Variants in CYP19A1 observed in about 807,000 individuals in gnomAD.
CYP19A1 encodes aromatase.
Under a neutral mutation model 44.4 loss-of-function variants are expected in CYP19A1, and 32 were observed. That is an observed-to-expected ratio of 0.72 (90% confidence interval 0.54 to 0.97). The LOEUF is 0.97. Among genes scored for constraint, CYP19A1 ranks in the 50% least tolerant of loss-of-function variants. The pLI is 0.00. For synonymous variants in CYP19A1, 212 were observed against 215.6 expected (o/e 0.98, Z 0.14); for missense variants, 598 against 637.8 (o/e 0.94, Z 0.67).
At chr15:51,218,467 A>G in intron 6 of CYP19A1, 74 bp downstream of exon 6, 1 of 1,541,410 alleles carries the variant, frequency 6.5e-7, no homozygotes, top group Non-Finnish European at 8.7e-7. Context: ...AGAGGCCAAG[A>G]AAAACAGCAA....
chr15:51,239,694 T>TGA (rs145763918), intron 2 of CYP19A1, among the ~76,000 whole-genome samples: 1 of 146,668 alleles, frequency 6.8e-6, no homozygotes, highest in Non-Finnish European at 1.5e-5. Flanking sequence ...TGCTCTGGAG[T>TGA]GAGAGAGAGA....
rs121434534 is a variant in CYP19A1 at position 51,211,017 on chromosome 15, G to A, written c.1303C>T (p.Arg435Cys). The part of the protein sequence containing the change: ...RYFQPFGFGP[R>C]GCAGKYIAMV... ...GCGATGTACTTTCCTGCACAGCCAC[G>A]GGGCCCAAAGCCAAATGGCTGAAAG... The change falls in exon 10 of 10, where the codon CGT becomes TGT. Residue 435 changes from arginine to cysteine, a missense_variant. Transcript: ENST00000396402. The A allele has an allele frequency of 7.6e-6, 12 of 1,588,186 alleles. No homozygotes were observed. Among genetic ancestry groups the A allele is most frequent in the Admixed American group, 1.7e-5 (1 of 59,938 alleles).
At chr15:51,246,640 G>T (rs1373994968) in intron 1 of CYP19A1, among the ~76,000 whole-genome samples, 2 of 152,122 alleles carry the variant, frequency 1.3e-5, no homozygotes, top group African/African-American at 4.8e-5. Context: ...ACACATTCAG[G>T]GTCCCACAGT....
intron 1 of CYP19A1, among the ~76,000 whole-genome samples, chr15:51,322,415 T>C (rs1248264210): frequency 1.3e-5 from 2 of 152,238 alleles, no homozygotes; most frequent in African/African-American, 4.8e-5. Flanking sequence ...ACCTCTCTTT[T>C]TGTACACTAT....
intron 1 of CYP19A1, among the ~76,000 whole-genome samples, chr15:51,333,757 CA>C: frequency 6.6e-6 from 1 of 152,248 alleles, no homozygotes; most frequent in South Asian, 2.1e-4. Flanking sequence ...CCAGGCTCAG[CA>C]GATGGGGTGT....
intron 1 of CYP19A1, among the ~76,000 whole-genome samples, chr15:51,248,064 T>C (rs2034144958): frequency 1.3e-5 from 2 of 152,320 alleles, no homozygotes; most frequent in South Asian, 4.1e-4. Flanking sequence ...CTCTCTAAGA[T>C]TAATTGCTCT....
In CYP19A1 at chr15:51,222,353, C is replaced by A. The variant is rs371699273; in HGVS notation, c.624G>T (p.Leu208Phe). ...TGAGAGTGAAAATTTCAGTACCGTC[C>A]AAAGGGATCCTCAAGAAGAGCGTGT... ...TSNTLFLRIPLDESAIVVKIQ... is the reference protein window; with the variant it reads ...TSNTLFLRIPFDESAIVVKIQ... The change falls in exon 5 of 10, where the codon TTG becomes TTT. Residue 208 changes from leucine (L) to phenylalanine (F), a missense_variant. By Grantham distance (22) the Leu-to-Phe change is conservative. Transcript: ENST00000396402. 6.2e-7 allele frequency: 1 copy of A among 1,613,998 alleles called. No homozygotes were observed. The highest frequency in any genetic ancestry group is 1.3e-5 in the African/African-American group (1 of 74,894).
chr15:51,247,728 C>T (rs2034127927), intron 1 of CYP19A1, among the ~76,000 whole-genome samples: 1 of 152,092 alleles, frequency 6.6e-6, no homozygotes, highest in South Asian at 2.1e-4. Context: ...GAGTCCTAAC[C>T]TTCTTATACA....
rs2031075939 is a variant in CYP19A1 at position 51,212,319 on chromosome 15, C to A, written c.1263+1G>T. The A allele has an allele frequency of 1.9e-6, 3 of 1,593,964 alleles. No individual in the cohort carries two copies. Among genetic ancestry groups the A allele is most frequent in the Non-Finnish European group, 2.6e-6 (3 of 1,161,608 alleles). Reference sequence around the variant, plus strand: ...ACTCAGTTTTAAGGAAGGGCTCTTACATTCTTTGCAAAATTTTCAAGAGTA... The same window carrying A: ...ACTCAGTTTTAAGGAAGGGCTCTTAAATTCTTTGCAAAATTTTCAAGAGTA... On this transcript the variant is annotated splice_donor_variant, in intron 9 of 9. Coordinates refer to ENST00000396402, the MANE Select transcript of CYP19A1 (RefSeq NM_000103.4). LOFTEE classifies it high-confidence loss of function.
intron 5 of CYP19A1, among the ~76,000 whole-genome samples, chr15:51,219,680 A>T (rs904817448): frequency 6.6e-6 from 1 of 152,204 alleles, no homozygotes; most frequent in African/African-American, 2.4e-5. Context: ...GATCCCTGTG[A>T]AAAGGGATTA....
At chr15:51,239,711 T>A (rs1222715715) in intron 2 of CYP19A1, among the ~76,000 whole-genome samples, 1 of 151,772 alleles carries the variant, frequency 6.6e-6, no homozygotes, top group African/African-American at 2.4e-5. Flanking sequence ...GAGAGAGTGA[T>A]TACAAAGGCA....
At chr15:51,256,612 C>A (rs1426647041) in intron 1 of CYP19A1, among the ~76,000 whole-genome samples, 1 of 152,158 alleles carries the variant, frequency 6.6e-6, no homozygotes, top group Non-Finnish European at 1.5e-5. Flanking sequence ...ATTTAATAGA[C>A]CTGTAACCTT....
intron 1 of CYP19A1, among the ~76,000 whole-genome samples, chr15:51,301,190 CAGCTATATGA>C (rs1413874907): frequency 6.6e-6 from 1 of 152,198 alleles, no homozygotes; most frequent in East Asian, 1.9e-4. Context: ...GCTGAAAGAA[CAGCTATATGA>C]AGAAATCCCC....
intron 1 of CYP19A1, among the ~76,000 whole-genome samples, chr15:51,273,741 C>T (rs1021007299): frequency 2.0e-5 from 3 of 152,168 alleles, no homozygotes; most frequent in Non-Finnish European, 2.9e-5. Context: ...TGCAATGGCT[C>T]ATGCCTGTAA....
intron 1 of CYP19A1, among the ~76,000 whole-genome samples, chr15:51,310,222 C>CA (rs568805499): frequency 1.6e-4 from 24 of 151,712 alleles, no homozygotes; most frequent in East Asian, 7.7e-4. Flanking sequence ...TAACAAAATA[C>CA]AAAAAAAACA....
intron 6 of CYP19A1, among the ~76,000 whole-genome samples, chr15:51,217,292 C>A (rs981294315): frequency 6.6e-6 from 1 of 152,178 alleles, no homozygotes; most frequent in African/African-American, 2.4e-5. Context: ...CAGACTCATA[C>A]AATAAATTTC....
chr15:51,300,712 C>T (rs1259802919), intron 1 of CYP19A1, among the ~76,000 whole-genome samples: 1 of 152,176 alleles, frequency 6.6e-6, no homozygotes, highest in African/African-American at 2.4e-5. Flanking sequence ...CCTTTCCCTC[C>T]TACAGCAAAC....
chr15:51,223,593 T>TCACACACACACA (rs5812545), intron 4 of CYP19A1, among the ~76,000 whole-genome samples: 1,068 of 90,182 alleles, frequency 0.012, 31 homozygotes, highest in African/African-American at 0.032. Context: ...TCTCTCTCTC[T>TCACACACACACA]CACACACACA....
At chr15:51,271,759 A>G (rs1160956309) in intron 1 of CYP19A1, among the ~76,000 whole-genome samples, 1 of 152,234 alleles carries the variant, frequency 6.6e-6, no homozygotes, top group Non-Finnish European at 1.5e-5. Flanking sequence ...TTGATTGATT[A>G]GTCCAAGGAT....
Sources: gnomAD v4.1 joint callset for allele counts (sites outside exome capture counted in the v4.1 genomes callset) on GRCh38, gnomAD v4.1.1 for gene constraint, MANE v1.5 for transcripts, NCBI Gene and HGNC (gene_info 2026-07-23, HGNC 2026-07-21) for gene names.